AGPAT5: variants seen among roughly 807,000 people sequenced by gnomAD.
AGPAT5 encodes 1-acylglycerol-3-phosphate O-acyltransferase 5.
AGPAT5 carries 46 observed loss-of-function variants against 45.6 expected under a neutral mutation model. The observed-to-expected ratio is 1.01, with a 90% CI of 0.80 to 1.29. The LOEUF is 1.29. Among genes scored for constraint, AGPAT5 ranks in the 50% most tolerant of loss-of-function variants. The probability of loss-of-function intolerance (pLI) is 0.00; values close to 1 mark genes in which losing one functional copy is unlikely to be tolerated. For synonymous variants in AGPAT5, 272 were observed against 167.0 expected (o/e 1.63, Z -4.85); for missense variants, 673 against 450.7 (o/e 1.49, Z -4.47).
intron 5 of AGPAT5, among the ~76,000 whole-genome samples, chr8:6,742,883 T>A (rs1374343510): frequency 6.6e-6 from 1 of 152,238 alleles, no homozygotes; most frequent in Non-Finnish European, 1.5e-5. Context: ...CTTTTGACTT[T>A]CATTGCTTCC....
chr8:6,757,226 T>C lies in AGPAT5; in HGVS notation c.933T>C (p.Ser311=), dbSNP rs749776168. The change falls in exon 8 of 8, where the codon AGT becomes AGC. Residue 311 remains serine, a synonymous_variant. Transcript: ENST00000285518. ...GAAGAAAAAGATTTCCTGGGAAAAG[T>C]GTTAATTCCAAATTAAGTATCAAGA... The part of the protein sequence containing the change: ...PERRKRFPGK[S]VNSKLSIKKT... 2 of 1,614,072 alleles carry C rather than the reference T, an allele frequency of 1.2e-6. No homozygotes were observed. The highest frequency in any genetic ancestry group is 2.7e-5 in the African/African-American group (2 of 74,930).
Position 6,757,191 on chromosome 8 carries a change from G to C in AGPAT5, c.898G>C (p.Asp300His). Residue 300 changes from aspartate (D) to histidine (H), a missense_variant, in exon 8 of 8, where the codon GAT becomes CAT. Coordinates refer to ENST00000285518, the MANE Select transcript of AGPAT5 (RefSeq NM_018361.5). Reference protein sequence around the residue: ...KMLIEFYESPDPERRKRFPGK... With the variant: ...KMLIEFYESPHPERRKRFPGK... Reference sequence around the variant, plus strand: ...GCTTATAGAATTTTATGAGTCACCAGATCCAGAAAGAAGAAAAAGATTTCC... The same window carrying C: ...GCTTATAGAATTTTATGAGTCACCACATCCAGAAAGAAGAAAAAGATTTCC... 1 of 1,613,936 alleles carries C rather than the reference G, an allele frequency of 6.2e-7. No homozygotes were observed. The highest frequency in any genetic ancestry group is 8.5e-7 in the Non-Finnish European group (1 of 1,179,986).
At chr8:6,719,475 C>T (rs987725817) in intron 1 of AGPAT5, among the ~76,000 whole-genome samples, 1 of 152,326 alleles carries the variant, frequency 6.6e-6, no homozygotes, top group African/African-American at 2.4e-5. Context: ...AATTCCTACT[C>T]ATCAAAATTC....
chr8:6,730,085 C>T (rs1200014560), intron 2 of AGPAT5, among the ~76,000 whole-genome samples: 2 of 151,428 alleles, frequency 1.3e-5, no homozygotes, highest in East Asian at 1.9e-4. Flanking sequence ...TTATAATTTC[C>T]CCTTTCTCAT....
chr8:6,744,026 A>G (rs1253196697), intron 5 of AGPAT5, among the ~76,000 whole-genome samples: 3 of 152,258 alleles, frequency 2.0e-5, no homozygotes, highest in Non-Finnish European at 4.4e-5. Flanking sequence ...ACTTAACTGA[A>G]TAAAAATTAT....
At chr8:6,742,171 T>A (rs1447371180) in intron 5 of AGPAT5, among the ~76,000 whole-genome samples, 1 of 152,200 alleles carries the variant, frequency 6.6e-6, no homozygotes, top group Non-Finnish European at 1.5e-5. Context: ...GTAATGTTGC[T>A]GAGCTTGCTT....
At chr8:6,748,203 T>C (rs1801541763) in intron 6 of AGPAT5, among the ~76,000 whole-genome samples, 2 of 152,198 alleles carry the variant, frequency 1.3e-5, no homozygotes, top group Non-Finnish European at 2.9e-5. Context: ...TCGTAAAATA[T>C]TTATTAAATT....
intron 1 of AGPAT5, among the ~76,000 whole-genome samples, chr8:6,716,715 C>G (rs1055120153): frequency 2.6e-5 from 4 of 152,048 alleles, no homozygotes; most frequent in Non-Finnish European, 4.4e-5. Context: ...TGCCTGTAAT[C>G]TCAGCTACAT....
At chr8:6,743,408 C>G (rs997266672) in intron 5 of AGPAT5, among the ~76,000 whole-genome samples, 1 of 152,212 alleles carries the variant, frequency 6.6e-6, no homozygotes, top group Non-Finnish European at 1.5e-5. Flanking sequence ...AAGGATGTCT[C>G]AAACTCAGCA....
chr8:6,714,065 G>C (rs530043819), intron 1 of AGPAT5, among the ~76,000 whole-genome samples: 1 of 152,176 alleles, frequency 6.6e-6, no homozygotes, highest in Non-Finnish European at 1.5e-5. Flanking sequence ...AAGTCATCTA[G>C]TCTACTCCCT....
intron 6 of AGPAT5, among the ~76,000 whole-genome samples, chr8:6,754,242 G>A (rs1375302990): frequency 2.6e-5 from 4 of 152,224 alleles, no homozygotes; most frequent in African/African-American, 4.8e-5. Flanking sequence ...TTGTGCAATC[G>A]AGGCTGAAAA....
At chr8:6,713,993 T>C (rs1264403041) in intron 1 of AGPAT5, among the ~76,000 whole-genome samples, 3 of 152,256 alleles carry the variant, frequency 2.0e-5, no homozygotes, top group Non-Finnish European at 4.4e-5. Flanking sequence ...TGAATCTTGC[T>C]GTAAAAGCAG....
At chr8:6,748,087 C>T (rs909999373) in intron 6 of AGPAT5, among the ~76,000 whole-genome samples, 1 of 150,930 alleles carries the variant, frequency 6.6e-6, no homozygotes, top group African/African-American at 2.4e-5. Flanking sequence ...TCAAAGTTCA[C>T]ACTTAAAAGG....
intron 6 of AGPAT5, among the ~76,000 whole-genome samples, chr8:6,752,438 C>A (rs376628033): frequency 1.3e-5 from 2 of 152,050 alleles, no homozygotes; most frequent in South Asian, 4.1e-4. Flanking sequence ...AACAGCTGTA[C>A]ATGTCAGTAT....
At chr8:6,720,713 G>A (rs183710324) in intron 1 of AGPAT5, among the ~76,000 whole-genome samples, 20 of 152,316 alleles carry the variant, frequency 1.3e-4, no homozygotes, top group Admixed American at 1.2e-3. Flanking sequence ...TGACCATGGA[G>A]ACCCTGATGA....
intron 4 of AGPAT5, among the ~76,000 whole-genome samples, chr8:6,736,545 T>A (rs1028113529): frequency 6.6e-6 from 1 of 152,284 alleles, no homozygotes; most frequent in African/African-American, 2.4e-5. Context: ...CTTATGGTAC[T>A]TTCTTTCCTT....
chr8:6,751,834 A>G (rs888571467), intron 6 of AGPAT5, among the ~76,000 whole-genome samples: 22 of 152,104 alleles, frequency 1.4e-4, no homozygotes, highest in African/African-American at 5.1e-4. Context: ...TTCTACCAGT[A>G]TTTTCATATT....
chr8:6,710,079 A>T (rs1052577835), intron 1 of AGPAT5, among the ~76,000 whole-genome samples: 1 of 152,200 alleles, frequency 6.6e-6, no homozygotes, highest in Non-Finnish European at 1.5e-5. Flanking sequence ...TCATGTGACA[A>T]CTGGCCTGGG....
chr8:6,709,292 T>A (rs2116836203), intron 1 of AGPAT5: 1 of 214,128 alleles, frequency 4.7e-6, no homozygotes, highest in African/African-American at 2.4e-5. Flanking sequence ...TACAGTGACC[T>A]CTTGAAACAG....
Sources: allele counts gnomAD v4.1 joint callset (sites outside exome capture counted in the v4.1 genomes callset), GRCh38; gene constraint gnomAD v4.1.1; transcripts MANE v1.5; gene names NCBI Gene and HGNC (gene_info 2026-07-23, HGNC 2026-07-21).